The following GPR180 variants were observed in gnomAD, a reference collection of about 807,000 sequenced individuals.
GPR180 encodes the protein G protein-coupled receptor 180, also known as integral membrane protein GPR180.
GPR180 carries 53 observed loss-of-function variants against 52.6 expected under a neutral mutation model. The ratio of observed to expected loss-of-function variants is 1.01; its 90% CI spans 0.81 to 1.27. The LOEUF (loss-of-function observed/expected upper bound fraction) is 1.27. Among genes scored for constraint, GPR180 ranks in the 50% most tolerant of loss-of-function variants. GPR180 has a pLI of 0.00. For missense variants in GPR180, 533 were observed against 527.0 expected, an observed-to-expected ratio of 1.01 and a Z score of -0.11; for synonymous variants, 200 against 193.1, an observed-to-expected ratio of 1.04 and a Z score of -0.30.
Position 94,619,163 on chromosome 13 carries a change from C to A in GPR180, c.519C>A (p.Phe173Leu). 1.9e-6 allele frequency: 3 copies of A among 1,613,670 alleles called. No homozygotes were observed. The highest frequency in any genetic ancestry group is 2.5e-6 in the Non-Finnish European group (3 of 1,179,842). The stretch of plus-strand genomic sequence containing the variant: ...TTCTCTTCACAGGGTTACATGAGTT[C>A]TTTTTCCTCCTAGTCCTAGTGTACT... Reference protein sequence around the residue: ...FSAGESGLHEFFFLLVLVYFV... With the variant: ...FSAGESGLHELFFLLVLVYFV... The change falls in exon 4 of 9, where the codon TTC (phenylalanine) becomes TTA (leucine). Residue 173 changes from phenylalanine to leucine, a missense_variant. Phe to Leu is a conservative substitution (Grantham distance 22). Coordinates refer to ENST00000376958, the MANE Select transcript of GPR180 (RefSeq NM_180989.6).
intron 6 of GPR180, 108 bp downstream of exon 6, chr13:94,621,343 T>G (rs1417413103): frequency 1.2e-6 from 1 of 845,630 alleles, no homozygotes; most frequent in African/African-American, 1.8e-5. Context: ...TTTGTGTCAT[T>G]TTTTTTTTCT....
chr13:94,605,299 T>A, intron 1 of GPR180, 92 bp from the exon 2 acceptor site: 1 of 1,151,948 alleles, frequency 8.7e-7, no homozygotes, highest in Non-Finnish European at 1.3e-6. Context: ...CTTTTTAAAT[T>A]TCCATTTTGG....
At chr13:94,617,502 C>T (rs927723161) in intron 3 of GPR180, among the ~76,000 whole-genome samples, 2 of 152,068 alleles carry the variant, frequency 1.3e-5, no homozygotes, top group African/African-American at 4.8e-5. Flanking sequence ...TTTTCCCTTC[C>T]TGAAGTCTAA....
In GPR180 at chr13:94,605,397, A is replaced by G. The variant is rs1889615982; in HGVS notation, c.152A>G (p.His51Arg). ...TTTTTGTTTTAATGTCAAGGTGACC[A>G]TGCTCTTCTGTGTGTCAGAATCAAC... ...RIGHFEFHGD[H>R]ALLCVRINNI... Residue 51 changes from histidine to arginine, a missense_variant, in exon 2 of 9, where the codon CAT becomes CGT. His to Arg is a conservative substitution (Grantham distance 29). Transcript: ENST00000376958. 2 of 1,613,884 alleles carry G rather than the reference A, an allele frequency of 1.2e-6. No individual in the cohort carries two copies. Among genetic ancestry groups the G allele is most frequent in the African/African-American group, 1.3e-5 (1 of 74,918 alleles).
intron 3 of GPR180, among the ~76,000 whole-genome samples, chr13:94,614,946 A>G (rs1451856318): frequency 1.3e-5 from 2 of 152,218 alleles, no homozygotes; most frequent in Admixed American, 6.5e-5. Flanking sequence ...TAAACATCAC[A>G]TCATTTTATT....
rs1216636393 is a variant in GPR180, at chr13:94,633,795, C to T, written c.*6624C>T. ...GCTCTTTGAGATTATGTTTAAATGC[C>T]CTGTATTTTCATCTAGTGGTTTTAT... On this transcript the variant is annotated 3_prime_UTR_variant, in exon 9 of 9. Transcript: ENST00000376958. The T allele has an allele frequency of 6.7e-6, 1 of 150,060 alleles. No homozygotes were observed. Among genetic ancestry groups the T allele is most frequent in the African/African-American group, 2.5e-5 (1 of 40,576 alleles). The allele number at this position is 150,060 out of a possible 1,614,324, so 9.3% of individuals were successfully genotyped here.
intron 3 of GPR180, among the ~76,000 whole-genome samples, chr13:94,617,347 T>A (rs1321971499): frequency 6.6e-6 from 1 of 152,224 alleles, no homozygotes; most frequent in African/African-American, 2.4e-5. Context: ...GGAACTTTAC[T>A]GACCCACAGT....
At chr13:94,614,312 A>T (rs980195287) in intron 3 of GPR180, among the ~76,000 whole-genome samples, 2 of 152,244 alleles carry the variant, frequency 1.3e-5, no homozygotes, top group African/African-American at 4.8e-5. Context: ...CAGATCAATT[A>T]GCACTTCCTC....
Position 94,619,328 on chromosome 13 carries a change from C to T in GPR180, c.684C>T (p.Ser228=). 6.2e-7 allele frequency: 1 copy of T among 1,613,632 alleles called. No homozygotes were observed. The highest frequency in any genetic ancestry group is 8.5e-7 in the Non-Finnish European group (1 of 1,179,700). ...CTTTAGCTAATTACATTCATTTCTCCAGGTAACTCAAAACCACTAAAACTG... is the reference window on the plus strand; with the variant it reads ...CTTTAGCTAATTACATTCATTTCTCTAGGTAACTCAAAACCACTAAAACTG... ...GSALANYIHF[S]SYSKDGIGVP... The change falls in exon 4 of 9, where the codon TCC becomes TCT. Residue 228 remains serine, a splice_region_variant and synonymous_variant. Coordinates refer to ENST00000376958, the MANE Select transcript of GPR180 (RefSeq NM_180989.6).
At chr13:94,624,417 A>G (rs1331288633) in intron 7 of GPR180, among the ~76,000 whole-genome samples, 2 of 152,174 alleles carry the variant, frequency 1.3e-5, no homozygotes, top group African/African-American at 4.8e-5. Flanking sequence ...CTGCAGCCCT[A>G]AGAACCAACT....
At chr13:94,622,856 T>C (rs1438399569) in intron 6 of GPR180, among the ~76,000 whole-genome samples, 1 of 152,232 alleles carries the variant, frequency 6.6e-6, no homozygotes, top group Non-Finnish European at 1.5e-5. Context: ...ATTACAGGCC[T>C]GAGCCACTGT....
rs537943090 is a variant in GPR180 at position 94,620,908 on chromosome 13, C to T, written c.737-170C>T. Among the ~76,000 whole-genome samples the T allele has an allele frequency of 2.0e-5, 3 of 151,258 alleles. No homozygotes were observed. In the South Asian group the frequency reaches 6.3e-4, roughly 32 times the overall value. The stretch of plus-strand genomic sequence containing the variant: ...ACAAAATTTATGGCAATTTTTAAAT[C>T]TTTAGAATTATTACCTGCGAATATC... On this transcript the variant is annotated intron_variant, in intron 5 of 8. Transcript: ENST00000376958.
intron 1 of GPR180, among the ~76,000 whole-genome samples, chr13:94,604,082 C>G (rs1032768949): frequency 6.6e-6 from 1 of 152,000 alleles, no homozygotes; most frequent in Non-Finnish European, 1.5e-5. Flanking sequence ...ACCTGTAATC[C>G]CAGCACTTTG....
chr13:94,617,758 T>C (rs1461774955), intron 3 of GPR180, among the ~76,000 whole-genome samples: 1 of 152,186 alleles, frequency 6.6e-6, no homozygotes, highest in African/African-American at 2.4e-5. Context: ...AATGGGAAAC[T>C]AGAGCAGGCT....
At position 94,627,424 on chromosome 13, in the gene GPR180, G is replaced by A; in HGVS notation, c.*253G>A. 3 of 404,664 alleles carry A rather than the reference G, an allele frequency of 7.4e-6. No individual in the cohort carries two copies. The highest frequency in any genetic ancestry group is 1.3e-5 in the Non-Finnish European group (3 of 231,156). The allele number at this position is 404,664 out of a possible 1,614,324, so 25.1% of individuals were successfully genotyped here. On this transcript the variant is annotated 3_prime_UTR_variant, in exon 9 of 9. Coordinates refer to ENST00000376958, the MANE Select transcript of GPR180 (RefSeq NM_180989.6). ...AAAATTATTGAAGCGATTTCTATGTGGAAATAAATGTGAAAAATAACTATG... is the reference window on the plus strand; with the variant it reads ...AAAATTATTGAAGCGATTTCTATGTAGAAATAAATGTGAAAAATAACTATG...
At chr13:94,619,560 GCTAT>G (rs769217671) in intron 5 of GPR180, 43 bp downstream of exon 5, 2 of 1,471,568 alleles carry the variant, frequency 1.4e-6, no homozygotes, top group South Asian at 2.4e-5. Flanking sequence ...TTTTACACTC[GCTAT>G]CTGCTTTTTT....
chr13:94,619,261 TA>T lies in GPR180; in HGVS notation c.620del (p.Lys207ArgfsTer3). On this transcript the variant is annotated frameshift_variant, in exon 4 of 9. Transcript: ENST00000376958. LOFTEE classifies it high-confidence loss of function. Reference protein sequence around the residue: ...IKKGGPMHMILKVLTTALLLQ... With the variant: ...IKKGGPMHMIXKVLTTALLLQ... ...AAAGGCGGACCCATGCACATGATTT[TA>T]AAGGTTCTGACAACTGCATTGCTGT... 1 of 1,614,182 alleles carries T rather than the reference TA, an allele frequency of 6.2e-7. No homozygotes were observed. Among genetic ancestry groups the T allele is most frequent in the Non-Finnish European group, 8.5e-7 (1 of 1,180,022 alleles).
intron 8 of GPR180, 43 bp from the exon 9 acceptor site, chr13:94,626,970 A>G (rs755130383): frequency 3.6e-6 from 5 of 1,387,046 alleles, no homozygotes; most frequent in South Asian, 1.4e-5. Context: ...TTATTTCTCT[A>G]TTTCTGCATG....
chr13:94,606,744 G>A (rs546081180), intron 2 of GPR180, among the ~76,000 whole-genome samples: 1 of 152,334 alleles, frequency 6.6e-6, no homozygotes, highest in South Asian at 2.1e-4. Flanking sequence ...AGCTAGATCA[G>A]TGAAAAGAGC....
Sources: gnomAD v4.1 joint callset for allele counts (sites outside exome capture counted in the v4.1 genomes callset) on GRCh38, gnomAD v4.1.1 for gene constraint, MANE v1.5 for transcripts, NCBI Gene and HGNC (gene_info 2026-07-23, HGNC 2026-07-21) for gene names.